Variants in NAALADL2 observed in about 807,000 individuals in gnomAD.
NAALADL2 encodes inactive N-acetylated-alpha-linked acidic dipeptidase-like protein 2.
In NAALADL2, 76 loss-of-function variants were observed where a neutral mutation model predicts 87.2. That is an observed-to-expected ratio of 0.87 (90% CI 0.72 to 1.05). The LOEUF is 1.05. Ranked by LOEUF, NAALADL2 falls within the 50% of genes least tolerant of loss-of-function variation. The pLI is 0.00. For missense variants in NAALADL2, 1,089 were observed against 945.8 expected, an observed-to-expected ratio of 1.15 and a Z score of -1.99; for synonymous variants, 354 against 331.0, an observed-to-expected ratio of 1.07 and a Z score of -0.75.
At position 175,227,015 on chromosome 3, in the gene NAALADL2, A is replaced by G. The variant is rs920184861; in HGVS notation, c.546-6916A>G. 2.6e-5 allele frequency among the ~76,000 whole-genome samples: 4 copies of G among 152,120 alleles called. No homozygotes were observed. In the South Asian group the frequency reaches 8.3e-4, roughly 31 times the overall value. On this transcript the variant is annotated intron_variant, in intron 2 of 13. Transcript: ENST00000454872. ...ATGAAATGTTTGACTTTTTAATACT[A>G]TATTAGAAATATCACCCGGTATAGT...
intron 3 of NAALADL2, among the ~76,000 whole-genome samples, chr3:174,742,443 T>C (rs1015978903): frequency 2.0e-5 from 3 of 151,718 alleles, no homozygotes; most frequent in African/African-American, 7.2e-5. Context: ...GTGGTCAGTT[T>C]TTTAGAGCCA....
At chr3:174,837,835 C>A (rs976325006) in intron 3 of NAALADL2, among the ~76,000 whole-genome samples, 5 of 151,300 alleles carry the variant, frequency 3.3e-5, no homozygotes, top group African/African-American at 1.2e-4. Flanking sequence ...CAAAAAATTA[C>A]CAACACAAAG....
intron 11 of NAALADL2, among the ~76,000 whole-genome samples, chr3:175,700,288 C>G (rs1738809447): frequency 6.6e-6 from 1 of 152,036 alleles, no homozygotes; most frequent in South Asian, 2.1e-4. Context: ...AATTGAGGAT[C>G]AATATTGTCA....
chr3:174,943,974 C>T (rs186097331), intron 1 of NAALADL2, among the ~76,000 whole-genome samples: 2 of 152,160 alleles, frequency 1.3e-5, no homozygotes, highest in Admixed American at 1.3e-4. Context: ...AACTGGAGGC[C>T]CAGGCCTGGG....
intron 1 of NAALADL2, among the ~76,000 whole-genome samples, chr3:174,893,772 C>T (rs1028020396): frequency 6.6e-6 from 1 of 152,062 alleles, no homozygotes; most frequent in African/African-American, 2.4e-5. Flanking sequence ...GGAAAATCAT[C>T]TTTACTAGAA....
chr3:175,018,152 G>A (rs962765616), intron 1 of NAALADL2, among the ~76,000 whole-genome samples: 3 of 152,074 alleles, frequency 2.0e-5, no homozygotes, highest in Non-Finnish European at 4.4e-5. Flanking sequence ...TCCATTTGCA[G>A]TAAAGATGTA....
At chr3:175,361,790 G>T (rs1368168664) in intron 5 of NAALADL2, among the ~76,000 whole-genome samples, 1 of 148,252 alleles carries the variant, frequency 6.7e-6, no homozygotes, top group Non-Finnish European at 1.5e-5. Context: ...TGGGTAGATT[G>T]TAAAAATGTT....
At chr3:175,718,349 C>T in intron 11 of NAALADL2, 1 of 1,602,736 alleles carries the variant, frequency 6.2e-7, no homozygotes. Flanking sequence ...ATTTTGCTAG[C>T]ACTGATATGC....
chr3:175,708,842 G>T (rs973951346), intron 11 of NAALADL2, among the ~76,000 whole-genome samples: 11 of 151,164 alleles, frequency 7.3e-5, no homozygotes, highest in Non-Finnish European at 1.5e-5. Flanking sequence ...AAAAAAAATG[G>T]AAGAGAAGAA....
chr3:175,617,151 G>T (rs1327254085), intron 10 of NAALADL2, among the ~76,000 whole-genome samples: 1 of 152,178 alleles, frequency 6.6e-6, no homozygotes, highest in Non-Finnish European at 1.5e-5. Context: ...AAAAATATCA[G>T]GTTAAAGGCT....
intron 5 of NAALADL2, among the ~76,000 whole-genome samples, chr3:175,404,483 GTCCTCCAAACAAGAACATACATA>G: frequency 6.6e-6 from 1 of 152,220 alleles, no homozygotes; most frequent in East Asian, 1.9e-4. Flanking sequence ...GAGTCTAAGT[GTCCTCCAAACAAGAACATACATA>G]TCCAAAGCAA....
chr3:174,932,286 A>G (rs1173437009), intron 1 of NAALADL2, among the ~76,000 whole-genome samples: 1 of 152,204 alleles, frequency 6.6e-6, no homozygotes, highest in Non-Finnish European at 1.5e-5. Context: ...GAAACTGCTC[A>G]AGCTGTATTA....
intron 5 of NAALADL2, among the ~76,000 whole-genome samples, chr3:175,410,841 A>C (rs1233038924): frequency 6.6e-6 from 1 of 152,218 alleles, no homozygotes; most frequent in East Asian, 1.9e-4. Flanking sequence ...GCTGTGAAAG[A>C]ACAAACGTGA....
chr3:175,565,033 G>T (rs925895865), intron 9 of NAALADL2, among the ~76,000 whole-genome samples: 1 of 152,122 alleles, frequency 6.6e-6, no homozygotes, highest in African/African-American at 2.4e-5. Context: ...ACATTGAAAA[G>T]GTAATTTTAG....
At chr3:175,117,178 A>T (rs1182517218) in intron 2 of NAALADL2, among the ~76,000 whole-genome samples, 1 of 152,118 alleles carries the variant, frequency 6.6e-6, no homozygotes, top group Non-Finnish European at 1.5e-5. Flanking sequence ...AACCTAGGCA[A>T]CACCATTCAG....
intron 5 of NAALADL2, among the ~76,000 whole-genome samples, chr3:175,361,722 T>C (rs1166503298): frequency 6.7e-6 from 1 of 148,376 alleles, no homozygotes; most frequent in East Asian, 2.0e-4. Flanking sequence ...TTGTTTGATT[T>C]TTTCTTGTAA....
intron 1 of NAALADL2, among the ~76,000 whole-genome samples, chr3:174,996,123 T>C (rs550837053): frequency 3.9e-5 from 6 of 152,224 alleles, no homozygotes; most frequent in African/African-American, 7.2e-5. Flanking sequence ...AACGGACTTA[T>C]GTTGTATACA....
At chr3:175,236,340 G>A (rs1486369861) in intron 3 of NAALADL2, among the ~76,000 whole-genome samples, 1 of 151,982 alleles carries the variant, frequency 6.6e-6, no homozygotes, top group Non-Finnish European at 1.5e-5. Flanking sequence ...GAGGTTAGGA[G>A]TTCGAGACTA....
rs59339192 is a variant in NAALADL2, at chr3:174,968,584, A to G, written c.43+109134A>G. Among the ~76,000 whole-genome samples, 678 of 152,066 alleles carry G rather than the reference A, an allele frequency of 4.5e-3. 2 individuals carry two copies. Among genetic ancestry groups the G allele is most frequent in the African/African-American group, 0.013 (558 of 41,452 alleles). On this transcript the variant is annotated intron_variant, in intron 1 of 13. Coordinates refer to ENST00000454872, the MANE Select transcript of NAALADL2 (RefSeq NM_207015.3). The stretch of plus-strand genomic sequence containing the variant: ...AACCTCTGCCTCCCAGGTTTAAGCA[A>G]TTCTCCTGCCTCAGCCTCCCGAGTA...
Sources: gnomAD v4.1 joint callset for allele counts (sites outside exome capture counted in the v4.1 genomes callset) on GRCh38, gnomAD v4.1.1 for gene constraint, MANE v1.5 for transcripts, NCBI Gene and HGNC (gene_info 2026-07-23, HGNC 2026-07-21) for gene names.